The following NTRK3 variants were observed in gnomAD, a reference collection of about 807,000 sequenced individuals.
NTRK3 encodes neurotrophic receptor tyrosine kinase 3.
NTRK3 carries 24 observed loss-of-function variants against 91.7 expected under a neutral mutation model. That is an observed-to-expected ratio of 0.26 (90% CI 0.19 to 0.37). The LOEUF (loss-of-function observed/expected upper bound fraction) is 0.37. Among genes scored for constraint, NTRK3 ranks in the 10% least tolerant of loss-of-function variants. NTRK3 has a pLI of 1.00. For missense variants in NTRK3, 880 were observed against 1,068.9 expected, an observed-to-expected ratio of 0.82 and a Z score of 2.46; for synonymous variants, 483 against 404.0, an observed-to-expected ratio of 1.20 and a Z score of -2.34.
chr15:88,225,171 A>G (rs1031950254), intron 3 of NTRK3, among the ~76,000 whole-genome samples: 12 of 152,210 alleles, frequency 7.9e-5, no homozygotes, highest in African/African-American at 2.9e-4. Context: ...AAGAAGCCCA[A>G]GATGAAACTA....
chr15:88,085,573 C>G (rs1174439176), intron 13 of NTRK3, among the ~76,000 whole-genome samples: 1 of 152,208 alleles, frequency 6.6e-6, no homozygotes, highest in African/African-American at 2.4e-5. Context: ...CCAAACCCAG[C>G]CAACCCACAG....
chr15:88,075,372 A>C (rs1369672960), intron 13 of NTRK3, among the ~76,000 whole-genome samples: 1 of 152,214 alleles, frequency 6.6e-6, no homozygotes, highest in Non-Finnish European at 1.5e-5. Context: ...CTGTCAATAA[A>C]AAGTTATTAT....
In NTRK3 at chr15:87,940,817, G is replaced by A. The variant is rs75022169; in HGVS notation, c.1586-64C>T. On this transcript the variant is annotated intron_variant, in intron 14 of 18. Transcript: ENST00000394480. The stretch of plus-strand genomic sequence containing the variant: ...CCTCGTTTGGTGACACAGGGAGACA[G>A]AAGAGTACAGAGGTCTAGCGTGGAG... 4,567 of 1,610,898 alleles carry A rather than the reference G, an allele frequency of 2.8e-3. 23 individuals carry two copies. The highest frequency in any genetic ancestry group is 0.015 in the African/African-American group (1,124 of 75,012).
intron 17 of NTRK3, among the ~76,000 whole-genome samples, chr15:87,899,579 C>T (rs557273069): frequency 1.3e-5 from 2 of 152,108 alleles, no homozygotes; most frequent in Admixed American, 6.5e-5. Flanking sequence ...AGCCTTTGGG[C>T]CCCCCTTTTG....
chr15:87,942,437 C>T (rs1266780595), intron 14 of NTRK3, among the ~76,000 whole-genome samples: 1 of 152,186 alleles, frequency 6.6e-6, no homozygotes. Context: ...AAAGAGTCTC[C>T]CACTGCGAGA....
At position 88,033,114 on chromosome 15, in the gene NTRK3, G is replaced by A. The variant is rs565101714; in HGVS notation, c.1397-69C>T. ...CGGCCAGTTTCCAGCCCTGTCCACA[G>A]ACAACCCCCAACTACTGTTCCCATC... On this transcript the variant is annotated intron_variant, in intron 13 of 18. Coordinates refer to ENST00000394480, the Ensembl canonical transcript of NTRK3. 17 of 1,449,654 alleles carry A rather than the reference G, an allele frequency of 1.2e-5. No individual in the cohort carries two copies. The South Asian group carries it at 1.8e-4, about 16-fold the overall frequency. The allele number at this position is 1,449,654 out of a possible 1,614,324, so 89.8% of individuals were successfully genotyped here. A position where few individuals can be genotyped will look rare whatever the true frequency, so the allele number is the denominator to read the frequency against.
chr15:87,950,453 T>C (rs938356882), intron 14 of NTRK3, among the ~76,000 whole-genome samples: 3 of 151,738 alleles, frequency 2.0e-5, no homozygotes, highest in Non-Finnish European at 4.4e-5. Context: ...CCCCCCAAAA[T>C]ACAACAGACA....
intron 17 of NTRK3, among the ~76,000 whole-genome samples, chr15:87,897,312 T>C (rs572937052): frequency 6.7e-6 from 1 of 149,160 alleles, no homozygotes; most frequent in East Asian, 1.9e-4. Flanking sequence ...CCTGCCTAAA[T>C]TCTAGCACTC....
chr15:88,055,330 G>C (rs1330962363), intron 13 of NTRK3, among the ~76,000 whole-genome samples: 2 of 152,066 alleles, frequency 1.3e-5, no homozygotes, highest in Non-Finnish European at 2.9e-5. Flanking sequence ...CATCCAAACA[G>C]TGCCACTGGT....
intron 14 of NTRK3, among the ~76,000 whole-genome samples, chr15:87,957,124 A>G (rs1484496324): frequency 6.6e-6 from 1 of 152,124 alleles, no homozygotes; most frequent in African/African-American, 2.4e-5. Flanking sequence ...GATCTTAGAA[A>G]AGTTACCTAA....
chr15:88,254,678 C>CCGG (rs945971481), intron 3 of NTRK3, among the ~76,000 whole-genome samples: 13 of 152,184 alleles, frequency 8.5e-5, no homozygotes, highest in Non-Finnish European at 1.5e-4. Flanking sequence ...AAAGGCAGGT[C>CCGG]CGGCCCCCTT....
At position 88,233,706 on chromosome 15, in the gene NTRK3, C is replaced by T. The variant is rs2051414263; in HGVS notation, c.248+22200G>A. Among the ~76,000 whole-genome samples the T allele has an allele frequency of 6.6e-6, 1 of 151,988 alleles. No individual in the cohort carries two copies. Among genetic ancestry groups the T allele is most frequent in the African/African-American group, 2.4e-5 (1 of 41,368 alleles). ...TCAGAAAACTGCTCTCCTCTCCTCC[C>T]TCTCCTCCTGGTCCTCCTTACTCTC... is the stretch of plus-strand genomic sequence containing the variant. On this transcript the variant is annotated intron_variant, in intron 3 of 18. Coordinates refer to ENST00000394480, the Ensembl canonical transcript of NTRK3. This position sits in a 1 kb window ranked among gnomAD's most constrained non-coding sequence, Gnocchi z 4.2.
intron 14 of NTRK3, among the ~76,000 whole-genome samples, chr15:87,960,094 G>A (rs908650985): frequency 6.6e-6 from 1 of 152,320 alleles, no homozygotes; most frequent in East Asian, 1.9e-4. Context: ...AAAATAGGAA[G>A]TGCTCTGCCT....
chr15:87,949,048 C>G (rs1389296159), intron 14 of NTRK3, among the ~76,000 whole-genome samples: 1 of 152,104 alleles, frequency 6.6e-6, no homozygotes, highest in Admixed American at 6.5e-5. Context: ...GGCCTGAGAC[C>G]AAGTAGGTAC....
intron 17 of NTRK3, among the ~76,000 whole-genome samples, chr15:87,894,420 T>C (rs1596126120): frequency 6.6e-6 from 1 of 152,204 alleles, no homozygotes; most frequent in African/African-American, 2.4e-5. Flanking sequence ...GTGGTTTAGA[T>C]GGACATGTGT....
chr15:87,965,009 TCC>T (rs1194784912), intron 14 of NTRK3, among the ~76,000 whole-genome samples: 1 of 152,234 alleles, frequency 6.6e-6, no homozygotes, highest in African/African-American at 2.4e-5. Flanking sequence ...ATATATCACT[TCC>T]ACAAAAATTT....
intron 14 of NTRK3, among the ~76,000 whole-genome samples, chr15:87,974,653 T>A (rs943473637): frequency 2.0e-5 from 3 of 152,160 alleles, no homozygotes; most frequent in African/African-American, 7.2e-5. Context: ...CATCATTGCT[T>A]GGGAATCTCA....
intron 3 of NTRK3, among the ~76,000 whole-genome samples, chr15:88,215,589 G>A (rs1022247521): frequency 2.6e-5 from 4 of 152,138 alleles, no homozygotes; most frequent in African/African-American, 9.7e-5. Flanking sequence ...TGGGGGAAGA[G>A]GCCCAAAGAA....
At chr15:87,959,234 T>C (rs2071998405) in intron 14 of NTRK3, among the ~76,000 whole-genome samples, 1 of 152,260 alleles carries the variant, frequency 6.6e-6, no homozygotes, top group Non-Finnish European at 1.5e-5. Flanking sequence ...GTTTATCATC[T>C]GGTCCCCTAG....
Sources: gnomAD v4.1 joint callset for allele counts (sites outside exome capture counted in the v4.1 genomes callset) on GRCh38, gnomAD v4.1.1 for gene constraint, Gnocchi (gnomAD v3.1) non-coding constraint, MANE v1.5 for transcripts, NCBI Gene and HGNC (gene_info 2026-07-23, HGNC 2026-07-21) for gene names.